THAP12: variants seen among roughly 807,000 people sequenced by gnomAD.
THAP12 encodes the protein 52 kDa repressor of the inhibitor of the protein kinase.
A neutral mutation model predicts 63.0 loss-of-function variants in THAP12; 20 were observed. That is an observed-to-expected ratio of 0.32 (90% confidence interval 0.22 to 0.46). The LOEUF (loss-of-function observed/expected upper bound fraction) is 0.46, where lower values mean the gene tolerates loss of function less well. Among genes scored for constraint, THAP12 ranks in the 20% least tolerant of loss-of-function variants. The pLI is 1.00. For synonymous variants in THAP12, 264 were observed against 328.4 expected (o/e 0.80, Z 2.12); for missense variants, 568 against 908.2 (o/e 0.63, Z 4.81).
chr11:76,354,205 G>C (rs893495638), intron 4 of THAP12, among the ~76,000 whole-genome samples: 1 of 152,212 alleles, frequency 6.6e-6, no homozygotes. Flanking sequence ...ACCGGAGCCT[G>C]TGTGAGCCAT....
In THAP12 at chr11:76,350,210, G is replaced by A. The variant is rs1946515388; in HGVS notation, c.*654C>T. 2 of 152,374 alleles carry A rather than the reference G, an allele frequency of 1.3e-5. No homozygotes were observed. Among genetic ancestry groups the A allele is most frequent in the African/African-American group, 2.4e-5 (1 of 41,444 alleles). 9.4% of individuals were successfully genotyped at this position (152,374 alleles called of 1,614,324 possible). Reference sequence around the variant, plus strand: ...ATTCTGTCTCAACCATGAAACAGAAGTGTTCAACATATACCTGCTAAAAAG... The same window carrying A: ...ATTCTGTCTCAACCATGAAACAGAAATGTTCAACATATACCTGCTAAAAAG... On this transcript the variant is annotated 3_prime_UTR_variant, in exon 5 of 5. Transcript: ENST00000260045.
At chr11:76,364,442 AT>A (rs1319139342) in intron 2 of THAP12, 28 of 438,052 alleles carry the variant, frequency 6.4e-5, no homozygotes, top group African/African-American at 4.9e-4. Flanking sequence ...TCTGAAAAAA[AT>A]ATCAAAATAA....
intron 2 of THAP12, chr11:76,361,426 T>C (rs1946597170): frequency 5.9e-6 from 1 of 169,240 alleles, no homozygotes; most frequent in South Asian, 1.6e-4. Context: ...TGCACTCTTG[T>C]ATGTTCCATA....
Position 76,381,093 on chromosome 11 carries a change from C to T in THAP12, c.-257G>A, listed in dbSNP as rs1023887118. The T allele has an allele frequency of 1.6e-5, 3 of 184,164 alleles. No individual in the cohort carries two copies. The highest frequency in any genetic ancestry group is 2.4e-5 in the African/African-American group (1 of 42,230). The allele number at this position is 184,164 out of a possible 1,614,324, so 11.4% of individuals were successfully genotyped here. A position where few individuals can be genotyped will look rare whatever the true frequency, so the allele number is the denominator to read the frequency against. ...CGCCGCCGCCGCCGCTGGTGCACCT[C>T]CCGCCCGCCCGAGACGCTGCCGCCT... On this transcript the variant is annotated 5_prime_UTR_variant, in exon 1 of 5. Coordinates refer to ENST00000260045, the MANE Select transcript of THAP12 (RefSeq NM_004705.4).
chr11:76,353,900 T>C (rs1352002895), intron 4 of THAP12, among the ~76,000 whole-genome samples: 1 of 152,094 alleles, frequency 6.6e-6, no homozygotes, highest in Non-Finnish European at 1.5e-5. Flanking sequence ...TCCCAGCTAC[T>C]CGGGAGGCTG....
intron 1 of THAP12, among the ~76,000 whole-genome samples, chr11:76,375,630 T>C (rs1431960831): frequency 6.6e-6 from 1 of 152,014 alleles, no homozygotes; most frequent in African/African-American, 2.4e-5. Flanking sequence ...TGTACTGTTT[T>C]AATAGCATTA....
At chr11:76,371,866 G>A (rs917244272) in intron 1 of THAP12, among the ~76,000 whole-genome samples, 1 of 137,718 alleles carries the variant, frequency 7.3e-6, no homozygotes, top group African/African-American at 2.8e-5. Flanking sequence ...AGGCTGGAGT[G>A]CAGTGGCACA....
chr11:76,354,645 A>T (rs1191229162), intron 4 of THAP12, among the ~76,000 whole-genome samples: 1 of 152,166 alleles, frequency 6.6e-6, no homozygotes, highest in African/African-American at 2.4e-5. Context: ...TGACAGTCTA[A>T]CTAGCCTCCA....
intron 4 of THAP12, 126 bp from the exon 5 acceptor site, chr11:76,352,920 A>AAAT: frequency 6.2e-6 from 7 of 1,123,952 alleles, no homozygotes; most frequent in Non-Finnish European, 8.5e-6. Context: ...TAGGGTATTT[A>AAAT]CTAGACCACA....
intron 1 of THAP12, among the ~76,000 whole-genome samples, chr11:76,379,187 T>C (rs1946731980): frequency 1.3e-5 from 2 of 152,130 alleles, no homozygotes. Context: ...ACAATCTACC[T>C]CCAAACCATT....
chr11:76,360,259 T>C (rs1946589598), intron 3 of THAP12, among the ~76,000 whole-genome samples: 1 of 152,184 alleles, frequency 6.6e-6, no homozygotes, highest in Non-Finnish European at 1.5e-5. Context: ...ATATATTAAA[T>C]ACACTAGCAT....
At chr11:76,353,730 C>T (rs571566858) in intron 4 of THAP12, among the ~76,000 whole-genome samples, 8 of 152,260 alleles carry the variant, frequency 5.3e-5, no homozygotes, top group African/African-American at 1.9e-4. Flanking sequence ...AGACTAGGGC[C>T]GGGGGTGCAG....
chr11:76,361,139 G>T, intron 2 of THAP12, 76 bp from the exon 3 acceptor site: 1 of 912,904 alleles, frequency 1.1e-6, no homozygotes, highest in Non-Finnish European at 1.7e-6. Flanking sequence ...CTATGTTAAT[G>T]ACCTCCACAA....
At position 76,369,941 on chromosome 11, in the gene THAP12, T is replaced by C. The variant is rs930420041; in HGVS notation, c.90-3969A>G. Among the ~76,000 whole-genome samples, 8 of 152,222 alleles carry C rather than the reference T, an allele frequency of 5.3e-5. No homozygotes were observed. The South Asian group carries it at 1.0e-3, about 20-fold the overall frequency. ...ACTACAATGCAATAAATCTTCACTGTGAGTACAACCATATACTGAGTCCTG... is the reference window on the plus strand; with the variant it reads ...ACTACAATGCAATAAATCTTCACTGCGAGTACAACCATATACTGAGTCCTG... On this transcript the variant is annotated intron_variant, in intron 1 of 4. Coordinates refer to ENST00000260045, the MANE Select transcript of THAP12 (RefSeq NM_004705.4).
intron 3 of THAP12, chr11:76,357,803 A>G (rs141885660): frequency 5.8e-4 from 88 of 152,322 alleles, no homozygotes; most frequent in African/African-American, 2.0e-3. Context: ...ACAGCCAGAC[A>G]TGACAACACT....
At chr11:76,372,407 T>TAAAA (rs11429874) in intron 1 of THAP12, among the ~76,000 whole-genome samples, 1 of 145,798 alleles carries the variant, frequency 6.9e-6, no homozygotes, top group Non-Finnish European at 1.5e-5. Context: ...GAATTGCTTC[T>TAAAA]AAAAAAAAAA....
intron 4 of THAP12, among the ~76,000 whole-genome samples, chr11:76,354,205 G>A (rs893495638): frequency 2.6e-5 from 4 of 152,330 alleles, no homozygotes; most frequent in South Asian, 2.1e-4. Flanking sequence ...ACCGGAGCCT[G>A]TGTGAGCCAT....
intron 1 of THAP12, among the ~76,000 whole-genome samples, chr11:76,367,811 C>T (rs1946642405): frequency 6.6e-6 from 1 of 152,094 alleles, no homozygotes; most frequent in South Asian, 2.1e-4. Context: ...ATGCCCCTGA[C>T]ACTTAATTCT....
Position 76,381,130 on chromosome 11 carries a change from T to C in THAP12, c.-294A>G, listed in dbSNP as rs1946757979. The stretch of plus-strand genomic sequence containing the variant: ...AGACGCTGCCGCCTCCTTCCCACAA[T>C]GCACCCTGACGCCCGGGGGTGCCCT... On this transcript the variant is annotated 5_prime_UTR_variant, in exon 1 of 5. Transcript: ENST00000260045. 6.6e-6 allele frequency among the ~76,000 whole-genome samples: 1 copy of C among 151,430 alleles called. No individual in the cohort carries two copies. Among genetic ancestry groups the C allele is most frequent in the African/African-American group, 2.4e-5 (1 of 41,312 alleles).
Sources: allele counts gnomAD v4.1 joint callset (sites outside exome capture counted in the v4.1 genomes callset), GRCh38; gene constraint gnomAD v4.1.1; transcripts MANE v1.5; gene names NCBI Gene and HGNC (gene_info 2026-07-23, HGNC 2026-07-21).